FAM186A: variants seen among roughly 807,000 people sequenced by gnomAD.
The protein encoded by FAM186A is family with sequence similarity 186 member A.
A neutral mutation model predicts 216.8 loss-of-function variants in FAM186A; 163 were observed. The ratio of observed to expected loss-of-function variants is 0.75; its 90% CI spans 0.66 to 0.86. The LOEUF is 0.86. FAM186A is among the 40% of genes least tolerant of loss of function. The probability of loss-of-function intolerance (pLI) is 0.00; values close to 1 mark genes in which losing one functional copy is unlikely to be tolerated. For synonymous variants in FAM186A, 805 were observed against 1,025.3 expected (o/e 0.79, Z 4.10); for missense variants, 2,184 against 2,746.2 (o/e 0.80, Z 4.58).
At chr12:50,370,649 T>A (rs1460609762) in intron 1 of FAM186A, among the ~76,000 whole-genome samples, 2 of 152,130 alleles carry the variant, frequency 1.3e-5, no homozygotes. Context: ...GTTCTCTGTG[T>A]ATACATCCAA....
chr12:50,351,073 G>T lies in FAM186A; in HGVS notation c.5759C>A (p.Ser1920Tyr). ...AGAGGTGGGAGGGATCCATAATGAA[G>T]AAGCTCGCCCAGGAAGGGTCCATGT... Reference protein sequence around the residue: ...LATWTLPGRASSLWIPPTSRH... With the variant: ...LATWTLPGRAYSLWIPPTSRH... Residue 1920 changes from serine to tyrosine, a missense_variant, in exon 4 of 8, where the codon TCT becomes TAT. Ser to Tyr is a moderately radical substitution (Grantham distance 144). Transcript: ENST00000327337. 1 of 1,551,494 alleles carries T rather than the reference G, an allele frequency of 6.4e-7. No homozygotes were observed. Among genetic ancestry groups the T allele is most frequent in the Non-Finnish European group, 8.7e-7 (1 of 1,146,962 alleles).
intron 4 of FAM186A, among the ~76,000 whole-genome samples, chr12:50,346,220 G>GAGAGAAA (rs1555215373): frequency 4.3e-5 from 2 of 46,734 alleles, no homozygotes; most frequent in African/African-American, 1.9e-4. Context: ...AGAGAGAGAA[G>GAGAGAAA]GAAAGAAAGA....
intron 1 of FAM186A, among the ~76,000 whole-genome samples, chr12:50,363,757 T>C (rs1433304369): frequency 3.2e-5 from 1 of 31,272 alleles, no homozygotes; most frequent in Non-Finnish European, 1.8e-4. Context: ...AAGCTGTAGC[T>C]GCTAAAAAAA....
rs547341113 is a variant in FAM186A, at chr12:50,390,836, G to A, written c.192+5457C>T. 9.9e-5 allele frequency among the ~76,000 whole-genome samples: 15 copies of A among 152,150 alleles called. No individual in the cohort carries two copies. The South Asian group carries it at 3.1e-3, about 32-fold the overall frequency. On this transcript the variant is annotated intron_variant, in intron 1 of 7. Transcript: ENST00000327337. ...AATCCCAGCATTTTGGGAGGCCGAG[G>A]TAGCCACCACCCCTGGCTAATTGTT... is the stretch of plus-strand genomic sequence containing the variant.
At chr12:50,369,797 T>C (rs1943124407) in intron 1 of FAM186A, among the ~76,000 whole-genome samples, 1 of 152,038 alleles carries the variant, frequency 6.6e-6, no homozygotes, top group African/African-American at 2.4e-5. Context: ...GAGACCAGCC[T>C]GGCCAACACT....
At chr12:50,328,990 G>T (rs1942630651) in intron 7 of FAM186A, among the ~76,000 whole-genome samples, 2 of 152,042 alleles carry the variant, frequency 1.3e-5, no homozygotes, top group African/African-American at 4.8e-5. Flanking sequence ...ATGGTGGCAT[G>T]CACCTGTAGT....
chr12:50,353,444 C>G lies in FAM186A; in HGVS notation c.3388G>C (p.Ala1130Pro). The change falls in exon 4 of 8, where the codon GCC (alanine) becomes CCC (proline). Residue 1130 changes from alanine to proline, a missense_variant. Transcript: ENST00000327337. ...TGAGGGGTGAGAGGGATCCCCAGGG[C>G]CTGCGCCTGCTGAGGGGTGAAAAGG... ...EILFTPQQAQ[A>P]LGIPLTPQQT... The G allele has an allele frequency of 6.6e-7, 1 of 1,525,692 alleles. No homozygotes were observed. Among genetic ancestry groups the G allele is most frequent in the Non-Finnish European group, 8.8e-7 (1 of 1,135,348 alleles). 94.5% of individuals were successfully genotyped at this position (1,525,692 alleles called of 1,614,324 possible).
At chr12:50,347,829 G>A (rs972940075) in intron 4 of FAM186A, among the ~76,000 whole-genome samples, 6 of 152,004 alleles carry the variant, frequency 3.9e-5, no homozygotes, top group African/African-American at 1.2e-4. Context: ...CTGCCTCCAG[G>A]TCACCCCAAC....
At chr12:50,360,156 A>G (rs1455771365) in intron 3 of FAM186A, among the ~76,000 whole-genome samples, 1 of 151,802 alleles carries the variant, frequency 6.6e-6, no homozygotes, top group African/African-American at 2.4e-5. Context: ...AGGCACAAGA[A>G]TCGCTTGAAC....
chr12:50,354,590 T>C lies in FAM186A; in HGVS notation c.2242A>G (p.Lys748Glu), dbSNP rs1422301339. 1.9e-6 allele frequency: 3 copies of C among 1,549,564 alleles called. No individual in the cohort carries two copies. In the African/African-American group the frequency reaches 4.1e-5, roughly 21 times the overall value. ...DTKKEEQVGE[K>E]PIKQKKVVSF... ...ACTACCTTTTTTTGTTTTATAGGTT[T>C]CTCTCCAACTTGTTCTTCCTTTTTT... Residue 748 changes from lysine (K) to glutamate (E), a missense_variant, in exon 4 of 8, where the codon AAA (lysine) becomes GAA (glutamate). Lys to Glu is a moderately conservative substitution (Grantham distance 56). Coordinates refer to ENST00000327337, the MANE Select transcript of FAM186A (RefSeq NM_001145475.3).
In FAM186A at chr12:50,353,516, C is replaced by A; in HGVS notation, c.3316G>T (p.Glu1106Ter). ...TGAGGGGTGAGAGGGATCCCTAGTT[C>A]CTGGGCCTGCTGAAGGGTGAGCGTG... ...GITLTLQQAQ[E>*]LGIPLTPQQA... Residue 1106 changes from glutamate to a stop codon, truncating the protein, a stop_gained, in exon 4 of 8, where the codon GAA (glutamate) becomes TAA (stop). Coordinates refer to ENST00000327337, the MANE Select transcript of FAM186A (RefSeq NM_001145475.3). LOFTEE classifies it high-confidence loss of function. 2 of 1,537,566 alleles carry A rather than the reference C, an allele frequency of 1.3e-6. No individual in the cohort carries two copies. Among genetic ancestry groups the A allele is most frequent in the Non-Finnish European group, 1.8e-6 (2 of 1,140,436 alleles).
At chr12:50,346,916 G>GCACA (rs140403986) in intron 4 of FAM186A, among the ~76,000 whole-genome samples, 30 of 143,792 alleles carry the variant, frequency 2.1e-4, no homozygotes, top group African/African-American at 6.1e-4. Flanking sequence ...GGTCACACAT[G>GCACA]CACACACACA....
chr12:50,384,337 A>T (rs1364341790), intron 1 of FAM186A, among the ~76,000 whole-genome samples: 1 of 152,050 alleles, frequency 6.6e-6, no homozygotes, highest in African/African-American at 2.4e-5. Flanking sequence ...AGGCTGGAGG[A>T]TCCCTTGAGC....
At chr12:50,346,745 G>A (rs981770285) in intron 4 of FAM186A, among the ~76,000 whole-genome samples, 8 of 152,098 alleles carry the variant, frequency 5.3e-5, no homozygotes, top group Non-Finnish European at 1.0e-4. Flanking sequence ...TACTCGGGAG[G>A]CTGAGGCAGG....
intron 1 of FAM186A, among the ~76,000 whole-genome samples, chr12:50,386,455 GAT>G (rs1943304608): frequency 6.6e-6 from 1 of 152,032 alleles, no homozygotes; most frequent in African/African-American, 2.4e-5. Context: ...AAACAAAAAA[GAT>G]ATGTGAGGAA....
Position 50,350,368 on chromosome 12 carries a change from A to G in FAM186A, c.6464T>C (p.Phe2155Ser), listed in dbSNP as rs1035530926. The G allele has an allele frequency of 1.3e-6, 2 of 1,550,690 alleles. No individual in the cohort carries two copies. The highest frequency in any genetic ancestry group is 1.7e-6 in the Non-Finnish European group (2 of 1,146,706). ...CAGCCTATAGGCAATGTACTTGCGG[A>G]ATAAGTATCCCAACTGAACTGTGTC... is the stretch of plus-strand genomic sequence containing the variant. ...HMDTVQLGYLFRKYIAYRLIQ... is the reference protein window; with the variant it reads ...HMDTVQLGYLSRKYIAYRLIQ... The change falls in exon 4 of 8, where the codon TTC becomes TCC. Residue 2155 changes from phenylalanine (F) to serine (S), a missense_variant. Around this residue, in one of 7 missense-constraint regions of FAM186A, gnomAD observed 721 missense variants for 816.4 expected, o/e 0.88. Coordinates refer to ENST00000327337, the MANE Select transcript of FAM186A (RefSeq NM_001145475.3).
At position 50,396,505 on chromosome 12, in the gene FAM186A, C is replaced by T. The variant is rs532595443; in HGVS notation, c.-21G>A. The T allele has an allele frequency of 9.2e-6, 14 of 1,527,482 alleles. No homozygotes were observed. Among genetic ancestry groups the T allele is most frequent in the Admixed American group, 4.3e-5 (2 of 46,188 alleles). The allele number at this position is 1,527,482 out of a possible 1,614,324, so 94.6% of individuals were successfully genotyped here. A position where few individuals can be genotyped will look rare whatever the true frequency, so the allele number is the denominator to read the frequency against. On this transcript the variant is annotated 5_prime_UTR_variant, in exon 1 of 8. Coordinates refer to ENST00000327337, the MANE Select transcript of FAM186A (RefSeq NM_001145475.3). ...AACATTTTGAAAATGTGGGTGATTTCGTTTTATTTCTTCTTTTTCACAGAA... is the reference window on the plus strand; with the variant it reads ...AACATTTTGAAAATGTGGGTGATTTTGTTTTATTTCTTCTTTTTCACAGAA...
At chr12:50,388,996 A>G (rs1943331864) in intron 1 of FAM186A, among the ~76,000 whole-genome samples, 1 of 151,926 alleles carries the variant, frequency 6.6e-6, no homozygotes, top group Admixed American at 6.6e-5. Context: ...CGTAGGTTGC[A>G]GTGACACGAG....
chr12:50,327,435 T>C (rs1942616411), intron 7 of FAM186A, 31 bp from the exon 8 acceptor site: 1 of 1,532,506 alleles, frequency 6.5e-7, no homozygotes. Flanking sequence ...TTAACCTCAT[T>C]ATAAATTGCT....
Sources: allele counts gnomAD v4.1 joint callset (sites outside exome capture counted in the v4.1 genomes callset), GRCh38; gene constraint gnomAD v4.1.1; regional missense constraint gnomAD v4.1.1; transcripts MANE v1.5; gene names NCBI Gene and HGNC (gene_info 2026-07-23, HGNC 2026-07-21).